Variants in RANBP10 observed in about 807,000 individuals in gnomAD.
RANBP10 encodes the protein ran-binding protein 10.
A neutral mutation model predicts 72.8 loss-of-function variants in RANBP10; 24 were observed. The observed-to-expected ratio is 0.33, with a 90% CI of 0.24 to 0.46. The LOEUF (loss-of-function observed/expected upper bound fraction) is 0.46. Among genes scored for constraint, RANBP10 ranks in the 20% least tolerant of loss-of-function variants. RANBP10 has a pLI of 1.00. For missense variants in RANBP10, 679 were observed against 817.5 expected (o/e 0.83, Z 2.07); for synonymous variants, 310 against 322.3 (o/e 0.96, Z 0.41).
At chr16:67,802,094 C>CAA (rs11349499) in intron 2 of RANBP10, among the ~76,000 whole-genome samples, 31 of 121,470 alleles carry the variant, frequency 2.6e-4, no homozygotes, top group Non-Finnish European at 4.2e-4. Context: ...GACCCTGCCT[C>CAA]AAAAAAAAAA....
Position 67,734,863 on chromosome 16 carries a change from C to A in RANBP10, c.771G>T (p.Leu257=). Residue 257 remains leucine, a synonymous_variant, in exon 6 of 14, where the codon CTG becomes CTT. Transcript: ENST00000317506. The part of the protein sequence containing the change: ...SARLGEWQAV[L]QNMVSSYLVH... ...GGCAGGAGCAGGGCACTCACTTCTG[C>A]AGCACTGCCTGCCACTCGCCAAGCC... 6.3e-7 allele frequency: 1 copy of A among 1,593,728 alleles called. No homozygotes were observed.
chr16:67,745,682 A>G (rs1597849702), intron 3 of RANBP10, among the ~76,000 whole-genome samples: 2 of 145,454 alleles, frequency 1.4e-5, no homozygotes, highest in Admixed American at 6.8e-5. Flanking sequence ...TAACAAATGT[A>G]TACAGTTGCA....
At chr16:67,802,467 A>G (rs866739364) in intron 2 of RANBP10, among the ~76,000 whole-genome samples, 12 of 152,124 alleles carry the variant, frequency 7.9e-5, no homozygotes, top group Non-Finnish European at 1.5e-4. Context: ...GCGAAACCCC[A>G]TCTCTACTAA....
chr16:67,758,842 A>C (rs2054340773), intron 3 of RANBP10, among the ~76,000 whole-genome samples: 2 of 152,242 alleles, frequency 1.3e-5, no homozygotes, highest in South Asian at 4.1e-4. Flanking sequence ...GCCCAGAATA[A>C]GACTTTTTAG....
intron 2 of RANBP10, among the ~76,000 whole-genome samples, chr16:67,780,602 TACAGCTGATCAA>T (rs1451501282): frequency 9.2e-5 from 14 of 152,070 alleles, no homozygotes; most frequent in Admixed American, 9.2e-4. Flanking sequence ...AAAGAAAGGG[TACAGCTGATCAA>T]ACAGCTGATA....
intron 3 of RANBP10, among the ~76,000 whole-genome samples, chr16:67,764,140 T>C (rs955432670): frequency 3.3e-5 from 5 of 152,178 alleles, no homozygotes; most frequent in African/African-American, 1.2e-4. Context: ...GCAGAGGCTC[T>C]CTCAGGCCAG....
intron 3 of RANBP10, among the ~76,000 whole-genome samples, chr16:67,748,630 C>T (rs2054135387): frequency 6.6e-6 from 1 of 152,068 alleles, no homozygotes; most frequent in Non-Finnish European, 1.5e-5. Context: ...TCTCAAACTC[C>T]TGGCCTCAAG....
intron 2 of RANBP10, among the ~76,000 whole-genome samples, chr16:67,801,020 T>C (rs763596415): frequency 1.3e-5 from 2 of 152,176 alleles, no homozygotes; most frequent in Non-Finnish European, 2.9e-5. Context: ...TGGAACATAG[T>C]AGGTATATAT....
At chr16:67,787,848 AT>A (rs1189091273) in intron 2 of RANBP10, among the ~76,000 whole-genome samples, 1 of 151,296 alleles carries the variant, frequency 6.6e-6, no homozygotes, top group East Asian at 1.9e-4. Context: ...AAAAAAAAAA[AT>A]TTTTTTTTGA....
chr16:67,730,356 T>A lies in RANBP10; in HGVS notation c.890-310A>T, dbSNP rs1363648499. ...TGGTGCCAGGGACCTGGGGGCAGGG[T>A]AGGGCCCCAGCTGGGGCAACATGAT... On this transcript the variant is annotated intron_variant, in intron 7 of 13. Coordinates refer to ENST00000317506, the MANE Select transcript of RANBP10 (RefSeq NM_020850.3). This position sits in a 1 kb window ranked among gnomAD's most constrained non-coding sequence, Gnocchi z 4.3. Among the ~76,000 whole-genome samples, 1 of 152,002 alleles carries A rather than the reference T, an allele frequency of 6.6e-6. No individual in the cohort carries two copies. The highest frequency in any genetic ancestry group is 1.5e-5 in the Non-Finnish European group (1 of 67,968).
chr16:67,776,053 G>A (rs1290365379), intron 2 of RANBP10, among the ~76,000 whole-genome samples: 2 of 151,940 alleles, frequency 1.3e-5, no homozygotes, highest in East Asian at 1.9e-4. Flanking sequence ...GCTGAGGCAG[G>A]AGAATGGCAT....
chr16:67,792,696 T>G (rs538609953), intron 2 of RANBP10, among the ~76,000 whole-genome samples: 1 of 149,952 alleles, frequency 6.7e-6, no homozygotes, highest in East Asian at 2.0e-4. Context: ...GACAGGAGAA[T>G]CGCTTAAAAC....
At chr16:67,786,788 G>T (rs1047499415) in intron 2 of RANBP10, among the ~76,000 whole-genome samples, 1 of 151,942 alleles carries the variant, frequency 6.6e-6, no homozygotes, top group Admixed American at 6.6e-5. Context: ...TCAGCCAGGC[G>T]TAGTGGTACA....
intron 2 of RANBP10, among the ~76,000 whole-genome samples, chr16:67,793,308 A>ATTT (rs752769973): frequency 2.3e-5 from 3 of 131,508 alleles, no homozygotes; most frequent in African/African-American, 2.9e-5. Flanking sequence ...CTGGCTTGTA[A>ATTT]TTTTTTTTTT....
chr16:67,728,694 C>A, intron 10 of RANBP10, 183 bp from the exon 11 acceptor site: 1 of 1,126,306 alleles, frequency 8.9e-7, no homozygotes, highest in South Asian at 1.5e-5. Flanking sequence ...ACCAGCTATC[C>A]TCAGAGGCCT....
chr16:67,798,280 G>A (rs1319184231), intron 2 of RANBP10, among the ~76,000 whole-genome samples: 1 of 152,080 alleles, frequency 6.6e-6, no homozygotes. Flanking sequence ...GCAGGACAAC[G>A]CCTTCCCCAG....
intron 3 of RANBP10, among the ~76,000 whole-genome samples, chr16:67,747,452 T>C (rs960668129): frequency 1.3e-5 from 2 of 152,216 alleles, no homozygotes; most frequent in East Asian, 1.9e-4. Flanking sequence ...AGTCCTTTTA[T>C]GTTTTGTGAG....
intron 3 of RANBP10, among the ~76,000 whole-genome samples, chr16:67,747,342 G>A (rs903025521): frequency 6.6e-6 from 1 of 151,946 alleles, no homozygotes; most frequent in African/African-American, 2.4e-5. Context: ...CTATTCAACT[G>A]TTTTTTCAAA....
chr16:67,785,904 T>C (rs1272890286), intron 2 of RANBP10, among the ~76,000 whole-genome samples: 1 of 151,532 alleles, frequency 6.6e-6, no homozygotes, highest in Non-Finnish European at 1.5e-5. Flanking sequence ...CAGGCGCCTG[T>C]AGTCCCAGCT....
Sources: gnomAD v4.1 joint callset for allele counts (sites outside exome capture counted in the v4.1 genomes callset) on GRCh38, gnomAD v4.1.1 for gene constraint, Gnocchi (gnomAD v3.1) non-coding constraint, MANE v1.5 for transcripts, NCBI Gene and HGNC (gene_info 2026-07-23, HGNC 2026-07-21) for gene names.